Variants in INSL6 observed in about 807,000 individuals in gnomAD.
The protein encoded by INSL6 is insulin like 6, also known as insulin-like peptide INSL6.
A neutral mutation model predicts 9.4 loss-of-function variants in INSL6; 16 were observed. That is an observed-to-expected ratio of 1.70 (90% confidence interval 1.15 to 2.59). The LOEUF is 2.59. Ranked by LOEUF, INSL6 falls within the 30% of genes most tolerant of loss-of-function variation. The pLI is 0.00. For synonymous variants in INSL6, 154 were observed against 96.9 expected, an observed-to-expected ratio of 1.59 and a Z score of -3.46; for missense variants, 391 against 257.3, an observed-to-expected ratio of 1.52 and a Z score of -3.56.
At chr9:5,003,237 G>A in the INSL6 span, among the ~76,000 whole-genome samples, 1 of 151,878 alleles carries the variant, frequency 6.6e-6, no homozygotes, top group African/African-American at 2.4e-5. Context: ...GGATCAACTT[G>A]TAAATTTCCA....
chr9:5,159,491 G>T (rs1214710983), downstream of INSL6, among the ~76,000 whole-genome samples: 1 of 151,824 alleles, frequency 6.6e-6, no homozygotes, highest in East Asian at 1.9e-4. Flanking sequence ...CCAAAAACAA[G>T]CAGGAGTGAC....
chr9:5,032,322 G>A, the INSL6 span, among the ~76,000 whole-genome samples: 2 of 152,236 alleles, frequency 1.3e-5, no homozygotes, highest in African/African-American at 2.4e-5. Flanking sequence ...ACCTCTGGGG[G>A]CAGGGCATAG....
At chr9:5,042,978 G>A in the INSL6 span, among the ~76,000 whole-genome samples, 1 of 152,242 alleles carries the variant, frequency 6.6e-6, no homozygotes. Flanking sequence ...CCGACCCTCA[G>A]AAGCTGAGGG....
the INSL6 span, among the ~76,000 whole-genome samples, chr9:5,042,629 T>TA: frequency 7.0e-6 from 1 of 142,912 alleles, no homozygotes. Flanking sequence ...GTTAGCGTCA[T>TA]AAAGTCCAGC....
At chr9:5,040,729 C>G in the INSL6 span, among the ~76,000 whole-genome samples, 1 of 152,274 alleles carries the variant, frequency 6.6e-6, no homozygotes, top group Admixed American at 6.5e-5. Flanking sequence ...CAGGTGGGCC[C>G]CTGAGCGGGC....
chr9:5,125,402 A>G (rs1343068081), intron 3 of INSL6, among the ~76,000 whole-genome samples: 1 of 151,460 alleles, frequency 6.6e-6, no homozygotes, highest in African/African-American at 2.4e-5. Flanking sequence ...GCATTCCATC[A>G]TAAGGCTATA....
the INSL6 span, chr9:5,080,224 A>C: frequency 1.1e-5 from 17 of 1,605,394 alleles, no homozygotes; most frequent in Non-Finnish European, 1.4e-5. Flanking sequence ...CGTATCATTT[A>C]AAAGTTCTTC....
chr9:5,068,989 T>C, the INSL6 span: 6 of 1,248,034 alleles, frequency 4.8e-6, no homozygotes, highest in Non-Finnish European at 6.8e-6. Context: ...ATTGTGACTA[T>C]CCCTCCCTTT....
chr9:5,069,058 A>T, the INSL6 span: 3 of 1,601,886 alleles, frequency 1.9e-6, no homozygotes, highest in Non-Finnish European at 2.6e-6. Flanking sequence ...CTGTTTGATT[A>T]CAAAAAATGA....
At chr9:4,999,472 C>G in the INSL6 span, among the ~76,000 whole-genome samples, 2 of 152,148 alleles carry the variant, frequency 1.3e-5, no homozygotes, top group African/African-American at 4.8e-5. Flanking sequence ...ATTACAAATG[C>G]TTATTGTGAT....
At chr9:5,098,454 C>G in the INSL6 span, 2 of 152,248 alleles carry the variant, frequency 1.3e-5, no homozygotes, top group East Asian at 1.9e-4. Context: ...GTTCCTGGTT[C>G]TATACATTAT....
At chr9:5,185,088 T>C (rs976594504) in intron 1 of INSL6, among the ~76,000 whole-genome samples, 2 of 152,128 alleles carry the variant, frequency 1.3e-5, no homozygotes, top group Admixed American at 1.3e-4. Flanking sequence ...CATTCTTACA[T>C]AAATATGTAG....
At chr9:5,002,924 T>C in the INSL6 span, among the ~76,000 whole-genome samples, 3 of 151,976 alleles carry the variant, frequency 2.0e-5, no homozygotes, top group African/African-American at 4.8e-5. Flanking sequence ...ATGAAGTAGA[T>C]AGAAGTTAAG....
intron 1 of INSL6, among the ~76,000 whole-genome samples, chr9:5,184,569 T>C (rs529921920): frequency 2.0e-5 from 3 of 152,340 alleles, no homozygotes; most frequent in South Asian, 2.1e-4. Flanking sequence ...ATGCATGAAA[T>C]AGTCCCTATA....
chr9:5,131,785 T>C (rs1007083012), intron 3 of INSL6, among the ~76,000 whole-genome samples: 4 of 152,202 alleles, frequency 2.6e-5, no homozygotes, highest in Admixed American at 6.5e-5. Context: ...TAAGCCGTCA[T>C]GTGCAGGCTG....
chr9:5,080,794 C>A, the INSL6 span: 21 of 762,976 alleles, frequency 2.8e-5, no homozygotes, highest in Non-Finnish European at 3.9e-5. Context: ...GTCATTTGGG[C>A]CCTCTTAATT....
the INSL6 span, among the ~76,000 whole-genome samples, chr9:5,017,844 T>A: frequency 6.6e-6 from 1 of 152,240 alleles, no homozygotes; most frequent in Non-Finnish European, 1.5e-5. Context: ...CTAGAATTGT[T>A]ATATCCTCTT....
chr9:5,144,580 T>A (rs1401244420), intron 2 of INSL6, among the ~76,000 whole-genome samples: 1 of 152,158 alleles, frequency 6.6e-6, no homozygotes, highest in East Asian at 1.9e-4. Flanking sequence ...GTCAGTGGGG[T>A]GTTAAAGTCT....
chr9:5,015,456 T>A, the INSL6 span, among the ~76,000 whole-genome samples: 1 of 152,220 alleles, frequency 6.6e-6, no homozygotes, highest in Non-Finnish European at 1.5e-5. Context: ...AATAGTGAGT[T>A]AAACGGCTGG....
Sources: allele counts gnomAD v4.1 joint callset (sites outside exome capture counted in the v4.1 genomes callset), GRCh38; gene constraint gnomAD v4.1.1; transcripts MANE v1.5; gene names NCBI Gene and HGNC (gene_info 2026-07-23, HGNC 2026-07-21).